Variants in LTBP1 observed in about 807,000 individuals in gnomAD.
LTBP1 encodes the protein latent-transforming growth factor beta-binding protein 1.
LTBP1 carries 129 observed loss-of-function variants against 207.6 expected under a neutral mutation model. That is an observed-to-expected ratio of 0.62 (90% confidence interval 0.54 to 0.72). The LOEUF is 0.72. LTBP1 is among the 30% of genes least tolerant of loss of function. The pLI is 0.00. For missense variants in LTBP1, 2,281 were observed against 2,217.2 expected, an observed-to-expected ratio of 1.03 and a Z score of -0.58; for synonymous variants, 963 against 833.7, an observed-to-expected ratio of 1.16 and a Z score of -2.67.
intron 7 of LTBP1, among the ~76,000 whole-genome samples, chr2:33,201,305 T>G (rs927087901): frequency 6.6e-6 from 1 of 152,040 alleles, no homozygotes; most frequent in Non-Finnish European, 1.5e-5. Context: ...CCATAAAAAA[T>G]GATGAGTTCA....
At chr2:33,058,355 C>T (rs980963675) in intron 3 of LTBP1, among the ~76,000 whole-genome samples, 2 of 152,082 alleles carry the variant, frequency 1.3e-5, no homozygotes, top group African/African-American at 4.8e-5. Flanking sequence ...AGAAGTCTAC[C>T]ACCCCACCTC....
chr2:33,360,824 A>T, intron 27 of LTBP1, 45 bp downstream of exon 27: 2 of 1,567,126 alleles, frequency 1.3e-6, no homozygotes, highest in Non-Finnish European at 1.8e-6. Flanking sequence ...GTTTGGTCAC[A>T]TGGTGTCCCT....
At chr2:33,133,694 C>T (rs2081958410) in intron 4 of LTBP1, among the ~76,000 whole-genome samples, 1 of 152,144 alleles carries the variant, frequency 6.6e-6, no homozygotes, top group South Asian at 2.1e-4. Context: ...GGCTGTGTTC[C>T]AGTAAAGCTT....
In LTBP1 at chr2:33,222,246, C is replaced by T. The variant is rs538933540; in HGVS notation, c.1876+95C>T. ...GCCACGGCTTGCTCATTCGCCCAGC[C>T]TGTCACAGTGAACCACCTCATGTTC... On this transcript the variant is annotated intron_variant, in intron 9 of 33. Transcript: ENST00000404816. The T allele has an allele frequency of 5.8e-4, 488 of 842,488 alleles. 11 individuals are homozygous for T. In the South Asian group the frequency reaches 6.6e-3, roughly 11 times the overall value. The allele number at this position is 842,488 out of a possible 1,614,324, so 52.2% of individuals were successfully genotyped here. A position where few individuals can be genotyped will look rare whatever the true frequency, so the allele number is the denominator to read the frequency against.
chr2:33,272,367 G>T (rs1199008510), intron 15 of LTBP1, among the ~76,000 whole-genome samples: 1 of 152,130 alleles, frequency 6.6e-6, no homozygotes, highest in South Asian at 2.1e-4. Flanking sequence ...ATGCTCAGAG[G>T]CGCCAAACTA....
intron 5 of LTBP1, among the ~76,000 whole-genome samples, chr2:33,185,585 T>G (rs1160655023): frequency 1.3e-5 from 2 of 151,746 alleles, no homozygotes; most frequent in Non-Finnish European, 2.9e-5. Context: ...AAAGAACAAG[T>G]AAAGAGAGCA....
chr2:33,187,334 C>G (rs1018219772), intron 6 of LTBP1, among the ~76,000 whole-genome samples: 1 of 152,128 alleles, frequency 6.6e-6, no homozygotes, highest in Non-Finnish European at 1.5e-5. Context: ...TGATTCTTTA[C>G]CACCAAGAGC....
At position 33,277,829 on chromosome 2, in the gene LTBP1, CTTTTTTTTTTTT is replaced by C. The variant is rs199950784; in HGVS notation, c.2992+1914_2992+1925del. Among the ~76,000 whole-genome samples the C allele has an allele frequency of 1.1e-4, 9 of 85,188 alleles. 1 individual carries two copies. Among genetic ancestry groups the C allele is most frequent in the Admixed American group, 1.4e-4 (1 of 7,280 alleles). 55.9% of individuals were successfully genotyped at this position (85,188 alleles called of 152,430 possible). A position where few individuals can be genotyped will look rare whatever the true frequency, so the allele number is the denominator to read the frequency against. ...TCTTTCTTTTTTTCTTTCTTTCTTT[CTTTTTTTTTTTT>C]TTTTTTTAAAGACAGTCTTGCTCTG... On this transcript the variant is annotated intron_variant, in intron 18 of 33. Transcript: ENST00000404816.
intron 2 of LTBP1, among the ~76,000 whole-genome samples, chr2:32,977,411 G>A (rs1310885732): frequency 1.3e-5 from 2 of 152,172 alleles, no homozygotes; most frequent in African/African-American, 2.4e-5. Flanking sequence ...ACCACTGGGC[G>A]GGAAGTTGGC....
intron 19 of LTBP1, among the ~76,000 whole-genome samples, chr2:33,280,545 A>G (rs979905260): frequency 6.6e-6 from 1 of 152,206 alleles, no homozygotes; most frequent in African/African-American, 2.4e-5. Flanking sequence ...CAACAGAAGT[A>G]TCAAAGGTAG....
chr2:33,062,257 C>G (rs999800661), intron 3 of LTBP1, among the ~76,000 whole-genome samples: 1 of 151,678 alleles, frequency 6.6e-6, no homozygotes, highest in Non-Finnish European at 1.5e-5. Context: ...TTTTTTTCCT[C>G]TTACTGTGTT....
intron 7 of LTBP1, among the ~76,000 whole-genome samples, chr2:33,210,429 A>G (rs2090222255): frequency 6.6e-6 from 1 of 152,192 alleles, no homozygotes. Context: ...GAAGTACTAG[A>G]TATAGAACAC....
intron 3 of LTBP1, among the ~76,000 whole-genome samples, chr2:33,035,547 T>G (rs1438826453): frequency 6.6e-6 from 1 of 152,228 alleles, no homozygotes; most frequent in Non-Finnish European, 1.5e-5. Flanking sequence ...CTTCATACTT[T>G]CTAGATAAAA....
intron 23 of LTBP1, among the ~76,000 whole-genome samples, chr2:33,313,207 A>G (rs1484255044): frequency 6.6e-6 from 1 of 152,236 alleles, no homozygotes; most frequent in Non-Finnish European, 1.5e-5. Context: ...AGTAACAAGA[A>G]TAGGAGAATT....
intron 3 of LTBP1, chr2:33,063,193 C>T (rs531733680): frequency 1.3e-5 from 2 of 151,642 alleles, no homozygotes; most frequent in Non-Finnish European, 2.9e-5. Context: ...TATTGCTGTT[C>T]GAATTATAGA....
At chr2:32,972,117 G>GT (rs367726622) in intron 2 of LTBP1, among the ~76,000 whole-genome samples, 11,603 of 124,194 alleles carry the variant, frequency 0.093, 544 homozygotes, top group Non-Finnish European at 0.11. Context: ...TGAGTTTTTT[G>GT]TTTTTTTTTT....
intron 7 of LTBP1, among the ~76,000 whole-genome samples, chr2:33,204,715 G>A (rs577322712): frequency 6.6e-6 from 1 of 152,290 alleles, no homozygotes; most frequent in South Asian, 2.1e-4. Flanking sequence ...AAGTAGCTAA[G>A]AGTATAGGTG....
rs752902860 is a variant in LTBP1, at chr2:33,397,262, C to T, written c.4964C>T (p.Thr1655Met). 22 of 1,613,794 alleles carry T rather than the reference C, an allele frequency of 1.4e-5. No homozygotes were observed. The highest frequency in any genetic ancestry group is 1.3e-4 in the East Asian group (6 of 44,876). ...CDCFDGYHLD[T>M]AKMTCVDVNE... ...TGCTTTGATGGGTATCACTTGGATA[C>T]GGCCAAGATGACCTGTGTCGGTAAG... Residue 1655 changes from threonine to methionine, a missense_variant, in exon 33 of 34, where the codon ACG (threonine) becomes ATG (methionine). Thr to Met is a moderately conservative substitution (Grantham distance 81). This residue lies in a region of LTBP1 where 1,671 missense variants were observed against 1,634.8 expected (regional missense o/e 1.02). Coordinates refer to ENST00000404816, the MANE Select transcript of LTBP1 (RefSeq NM_206943.4).
intron 2 of LTBP1, among the ~76,000 whole-genome samples, chr2:32,958,540 G>A (rs1247581303): frequency 1.3e-5 from 2 of 152,216 alleles, no homozygotes; most frequent in South Asian, 2.1e-4. Flanking sequence ...CTTCATCAGC[G>A]TTGAGCTCCT....
Sources: gnomAD v4.1 joint callset for allele counts (sites outside exome capture counted in the v4.1 genomes callset) on GRCh38, gnomAD v4.1.1 for gene constraint, gnomAD v4.1.1 regional missense constraint, MANE v1.5 for transcripts, NCBI Gene and HGNC (gene_info 2026-07-23, HGNC 2026-07-21) for gene names.